The following DAB1 variants were observed in gnomAD, a reference collection of about 807,000 sequenced individuals.
The protein encoded by DAB1 is disabled homolog 1.
Under a neutral mutation model 64.6 loss-of-function variants are expected in DAB1, and 15 were observed. The observed-to-expected ratio is 0.23, with a 90% CI of 0.16 to 0.36. DAB1 has a LOEUF of 0.36. DAB1 is among the 10% of genes least tolerant of loss of function. The pLI is 1.00. For missense variants in DAB1, 596 were observed against 706.7 expected (o/e 0.84, Z 1.78); for synonymous variants, 235 against 251.9 (o/e 0.93, Z 0.64).
In DAB1 at chr1:58,490,426, G is replaced by A. The variant is rs577928452; in HGVS notation, n.257+15634C>T. On this transcript the variant is annotated intron_variant and non_coding_transcript_variant, in intron 3 of 20. Coordinates refer to the DAB1 transcript ENST00000485760. ...AAAAAGAAATGAACAAAGCCTCCAA[G>A]AAATATGGGACTATGTGAAAAGACC... Among the ~76,000 whole-genome samples, 39 of 152,306 alleles carry A rather than the reference G, an allele frequency of 2.6e-4. 1 individual carries two copies. The East Asian group carries it at 7.5e-3, about 29-fold the overall frequency.
chr1:58,165,531 C>T (rs1444550281), intron 4 of DAB1, among the ~76,000 whole-genome samples: 1 of 152,178 alleles, frequency 6.6e-6, no homozygotes, highest in East Asian at 1.9e-4. Flanking sequence ...GCGAGCTTCC[C>T]ATATGTAAGT....
At chr1:57,444,452 T>C (rs1328083698) in intron 7 of DAB1, among the ~76,000 whole-genome samples, 1 of 152,204 alleles carries the variant, frequency 6.6e-6, no homozygotes, top group East Asian at 1.9e-4. Flanking sequence ...GTTATTTTTG[T>C]GTTTGTTTGG....
chr1:57,263,870 T>G (rs1194868412), intron 2 of DAB1, among the ~76,000 whole-genome samples: 1 of 152,140 alleles, frequency 6.6e-6, no homozygotes. Flanking sequence ...AGGTCATAGC[T>G]GTTTGATGGT....
At chr1:57,731,008 T>A (rs1415000973) in intron 6 of DAB1, among the ~76,000 whole-genome samples, 1 of 152,194 alleles carries the variant, frequency 6.6e-6, no homozygotes, top group Non-Finnish European at 1.5e-5. Flanking sequence ...CTGGAACAGA[T>A]GCTTGTATAC....
At chr1:57,052,382 G>A (rs1649282963) in intron 9 of DAB1, among the ~76,000 whole-genome samples, 1 of 152,126 alleles carries the variant, frequency 6.6e-6, no homozygotes, top group Non-Finnish European at 1.5e-5. Flanking sequence ...ACACCAGATA[G>A]TTCTGTAGCC....
At position 58,051,099 on chromosome 1, in the gene DAB1, G is replaced by A. The variant is rs370279876; in HGVS notation, n.387+99412C>T. The stretch of plus-strand genomic sequence containing the variant: ...GTTCTAGGGTACATGTGCACAAAGT[G>A]CAGGTTTGATACATATGTATATATG... On this transcript the variant is annotated intron_variant and non_coding_transcript_variant, in intron 5 of 20. Coordinates refer to the DAB1 transcript ENST00000485760. Among the ~76,000 whole-genome samples, 372 of 152,230 alleles carry A rather than the reference G, an allele frequency of 2.4e-3. 12 individuals carry two copies. The South Asian group carries it at 0.073, about 30-fold the overall frequency.
intron 7 of DAB1, among the ~76,000 whole-genome samples, chr1:57,484,703 G>A (rs958985411): frequency 2.0e-5 from 3 of 152,062 alleles, no homozygotes; most frequent in African/African-American, 2.4e-5. Context: ...CATATAGATG[G>A]CATTTAAATT....
At chr1:57,292,385 C>T (rs1450517400) in intron 1 of DAB1, among the ~76,000 whole-genome samples, 1 of 152,044 alleles carries the variant, frequency 6.6e-6, no homozygotes, top group Admixed American at 6.6e-5. Flanking sequence ...AAGGAAATGG[C>T]CCAAATGAAA....
intron 4 of DAB1, among the ~76,000 whole-genome samples, chr1:57,081,034 T>C (rs556506122): frequency 6.6e-6 from 1 of 152,288 alleles, no homozygotes; most frequent in African/African-American, 2.4e-5. Flanking sequence ...ATATGGAAGT[T>C]GGGAGCTCCT....
exon 3 of DAB1, chr1:58,506,062 G>A (rs1645984400): frequency 2.3e-6 from 2 of 865,846 alleles, no homozygotes; most frequent in East Asian, 2.4e-5. Context: ...CAGCTCACCT[G>A]AGGTATAAGT....
intron 4 of DAB1, among the ~76,000 whole-genome samples, chr1:58,219,208 C>A (rs1364703012): frequency 6.6e-6 from 1 of 152,036 alleles, no homozygotes; most frequent in African/African-American, 2.4e-5. Context: ...CCCCTCCTCA[C>A]ACAGAACTCT....
intron 2 of DAB1, among the ~76,000 whole-genome samples, chr1:57,171,797 A>G (rs189076129): frequency 5.2e-5 from 8 of 152,382 alleles, no homozygotes; most frequent in Admixed American, 5.2e-4. Flanking sequence ...ATATATTTAA[A>G]GGAAACAAGA....
At chr1:57,099,934 G>A (rs886510570) in intron 4 of DAB1, among the ~76,000 whole-genome samples, 6 of 152,192 alleles carry the variant, frequency 3.9e-5, no homozygotes, top group Non-Finnish European at 7.3e-5. Flanking sequence ...AGAACTGAGA[G>A]CGTTGGCTAG....
intron 4 of DAB1, among the ~76,000 whole-genome samples, chr1:58,177,455 C>G (rs1233853542): frequency 6.6e-6 from 1 of 152,132 alleles, no homozygotes; most frequent in Non-Finnish European, 1.5e-5. Context: ...TTCCATATAA[C>G]TGTCTTAATG....
intron 6 of DAB1, among the ~76,000 whole-genome samples, chr1:57,802,398 T>C (rs1651168756): frequency 6.6e-6 from 1 of 151,082 alleles, no homozygotes; most frequent in African/African-American, 2.4e-5. Flanking sequence ...GGGTACCAGA[T>C]TTTAAACAGA....
rs61528761 is a variant in DAB1 at position 57,585,248 on chromosome 1, G to GAAAAA, written n.625+64339_625+64343dup. Among the ~76,000 whole-genome samples the GAAAAA allele has an allele frequency of 2.8e-3, 124 of 44,286 alleles. 4 individuals carry two copies. The highest frequency in any genetic ancestry group is 0.012 in the African/African-American group (123 of 10,498). 29.1% of individuals were successfully genotyped at this position (44,286 alleles called of 152,430 possible). On this transcript the variant is annotated intron_variant and non_coding_transcript_variant, in intron 7 of 20. Coordinates refer to the DAB1 transcript ENST00000485760. ...TGGGCGACAGGATGAGACTCTTTCT[G>GAAAAA]AAAAAAAAAAAAAAAAAAAAAAAAA... is the stretch of plus-strand genomic sequence containing the variant.
chr1:58,048,609 C>G, intron 5 of DAB1: 1 of 1,070,348 alleles, frequency 9.3e-7, no homozygotes, highest in East Asian at 2.4e-5. Flanking sequence ...CAGCTGCCAC[C>G]AAAGCCACCA....
chr1:57,259,864 ATTG>A (rs1051636678), intron 2 of DAB1, among the ~76,000 whole-genome samples: 11 of 152,190 alleles, frequency 7.2e-5, no homozygotes, highest in East Asian at 5.8e-4. Context: ...TTTCCAGATA[ATTG>A]TTGTTGTTGT....
intron 5 of DAB1, among the ~76,000 whole-genome samples, chr1:57,976,812 CTT>C (rs1645931545): frequency 1.3e-5 from 2 of 152,172 alleles, no homozygotes; most frequent in Admixed American, 6.5e-5. Context: ...TAATGCCTCT[CTT>C]TGCCTCACTC....
Sources: allele counts gnomAD v4.1 joint callset (sites outside exome capture counted in the v4.1 genomes callset), GRCh38; gene constraint gnomAD v4.1.1; transcripts MANE v1.5; gene names NCBI Gene and HGNC (gene_info 2026-07-23, HGNC 2026-07-21).